Variants in ZNF136 observed in about 807,000 individuals in gnomAD.
The protein encoded by ZNF136 is zinc finger protein 136 (clone pHZ-20).
In ZNF136, 8 loss-of-function variants were observed where a neutral mutation model predicts 11.4. The observed-to-expected ratio is 0.70, with a 90% CI of 0.41 to 1.27. The LOEUF is 1.27. Among genes scored for constraint, ZNF136 ranks in the 50% most tolerant of loss-of-function variants. The pLI, the probability that ZNF136 is intolerant of heterozygous loss-of-function variation, is 0.01. For missense variants in ZNF136, 590 were observed against 656.5 expected, an observed-to-expected ratio of 0.90 and a Z score of 1.11; for synonymous variants, 190 against 207.1, an observed-to-expected ratio of 0.92 and a Z score of 0.71.
At chr19:12,174,661 A>T (rs1599454983) in intron 1 of ZNF136, among the ~76,000 whole-genome samples, 1 of 151,510 alleles carries the variant, frequency 6.6e-6, no homozygotes, top group African/African-American at 2.4e-5. Flanking sequence ...TTTGAGACGG[A>T]GTCTCGCTCT....
chr19:12,184,244 C>T (rs1255365322), intron 1 of ZNF136, among the ~76,000 whole-genome samples: 4 of 149,184 alleles, frequency 2.7e-5, no homozygotes, highest in African/African-American at 5.0e-5. Context: ...CCAGCCTGGG[C>T]GACAGAGCAA....
chr19:12,166,471 A>G (rs940541836), intron 1 of ZNF136, among the ~76,000 whole-genome samples: 1 of 152,180 alleles, frequency 6.6e-6, no homozygotes, highest in Non-Finnish European at 1.5e-5. Flanking sequence ...CAAGAAAGTT[A>G]GTAGATAAAT....
intron 1 of ZNF136, among the ~76,000 whole-genome samples, chr19:12,167,791 T>G (rs1389541848): frequency 6.6e-6 from 1 of 152,178 alleles, no homozygotes; most frequent in African/African-American, 2.4e-5. Flanking sequence ...TCAGAGACTT[T>G]CCCAATTTGT....
intron 1 of ZNF136, among the ~76,000 whole-genome samples, chr19:12,183,379 T>A (rs916886362): frequency 2.6e-5 from 4 of 152,100 alleles, no homozygotes; most frequent in African/African-American, 9.7e-5. Context: ...CAAGTGATCC[T>A]CCTACCTTGG....
chr19:12,165,525 CG>C (rs1222613610), intron 1 of ZNF136, among the ~76,000 whole-genome samples: 4 of 152,168 alleles, frequency 2.6e-5, no homozygotes, highest in African/African-American at 7.2e-5. Flanking sequence ...TTATTTTCAA[CG>C]GCTTGTATCT....
intron 1 of ZNF136, among the ~76,000 whole-genome samples, chr19:12,180,711 C>G (rs570340234): frequency 6.6e-6 from 1 of 152,276 alleles, no homozygotes; most frequent in South Asian, 2.1e-4. Flanking sequence ...GCAATATAGA[C>G]AGTCCTGCCT....
intron 1 of ZNF136, among the ~76,000 whole-genome samples, chr19:12,167,994 C>CT (rs910136431): frequency 2.8e-5 from 4 of 144,312 alleles, no homozygotes; most frequent in Admixed American, 2.1e-4. Context: ...ACTTCACGGC[C>CT]TTTTTTTAAA....
intron 1 of ZNF136, among the ~76,000 whole-genome samples, chr19:12,183,581 A>G (rs1401750365): frequency 1.3e-5 from 2 of 151,626 alleles, no homozygotes; most frequent in Non-Finnish European, 2.9e-5. Context: ...CTATCTATCT[A>G]TCTATCTATC....
chr19:12,163,359 C>T (rs1977138533), intron 1 of ZNF136, among the ~76,000 whole-genome samples, 153 bp downstream of exon 1: 1 of 152,224 alleles, frequency 6.6e-6, no homozygotes, highest in South Asian at 2.1e-4. Flanking sequence ...TACCCTCGGC[C>T]TCAGGGTGGG....
At chr19:12,173,128 G>GA (rs999495328) in intron 1 of ZNF136, among the ~76,000 whole-genome samples, 5 of 152,158 alleles carry the variant, frequency 3.3e-5, no homozygotes, top group Non-Finnish European at 7.3e-5. Flanking sequence ...AAGGGAAAGA[G>GA]AGGGAATTGT....
rs59649796 is a variant in ZNF136 at position 12,171,663 on chromosome 19, A to G, written c.3+8457A>G. 6.0e-3 allele frequency among the ~76,000 whole-genome samples: 886 copies of G among 146,994 alleles called. 8 individuals carry two copies. The highest frequency in any genetic ancestry group is 0.023 in the African/African-American group (860 of 37,462). On this transcript the variant is annotated intron_variant, in intron 1 of 3. Transcript: ENST00000343979. ...AGGGAGTGATTTATCTTTTCACTCC[A>G]TTCTACATTTTGATGGACTCTTAAA...
chr19:12,163,138 G>A lies in ZNF136; in HGVS notation c.-66G>A, dbSNP rs544095714. 8.6e-6 allele frequency: 12 copies of A among 1,393,888 alleles called. No homozygotes were observed. The African/African-American group carries it at 1.3e-4, about 16-fold the overall frequency. 86.3% of individuals were successfully genotyped at this position (1,393,888 alleles called of 1,614,324 possible). ...AGAGTGGCTCGCCTGGAGTCTCTGT[G>A]GCGCGGTTTCCTGTACCTGCCTTGG... On this transcript the variant is annotated 5_prime_UTR_variant, in exon 1 of 4. Transcript: ENST00000343979.
intron 1 of ZNF136, among the ~76,000 whole-genome samples, chr19:12,178,638 A>G (rs1267105504): frequency 6.6e-6 from 1 of 152,202 alleles, no homozygotes; most frequent in Non-Finnish European, 1.5e-5. Flanking sequence ...TTCCATTGCA[A>G]TCATGGATCA....
At position 12,189,214 on chromosome 19, in the gene ZNF136, G is replaced by A. The variant is rs1455322654; in HGVS notation, c.*1213G>A. Reference sequence around the variant, plus strand: ...AATTGTTCTGTGATTGAGGACCACTGAAAAATAAGTCTTAATAAATGTTGG... The same window carrying A: ...AATTGTTCTGTGATTGAGGACCACTAAAAAATAAGTCTTAATAAATGTTGG... On this transcript the variant is annotated 3_prime_UTR_variant, in exon 4 of 4. Coordinates refer to ENST00000343979, the MANE Select transcript of ZNF136 (RefSeq NM_003437.5). 6.6e-6 allele frequency: 1 copy of A among 152,176 alleles called. No individual in the cohort carries two copies. Among genetic ancestry groups the A allele is most frequent in the Non-Finnish European group, 1.5e-5 (1 of 68,038 alleles). 9.4% of individuals were successfully genotyped at this position (152,176 alleles called of 1,614,324 possible).
intron 1 of ZNF136, among the ~76,000 whole-genome samples, chr19:12,172,415 C>A (rs959442119): frequency 1.3e-5 from 2 of 152,098 alleles, no homozygotes; most frequent in African/African-American, 4.8e-5. Context: ...GGGCCTGATG[C>A]CTAGATGTTA....
rs762847565 is a variant in ZNF136, at chr19:12,187,616, C to T, written c.1238C>T (p.Thr413Ile). The T allele has an allele frequency of 1.2e-5, 19 of 1,613,796 alleles. No individual in the cohort carries two copies. The highest frequency in any genetic ancestry group is 6.7e-5 in the East Asian group (3 of 44,862). ...AGTCCATTTCGAATACATGAAAGAA[C>T]TCACACTGGAGAGAAACCTTATGTA... ...SLSPFRIHER[T>I]HTGEKPYVCK... Residue 413 changes from threonine to isoleucine, a missense_variant, in exon 4 of 4, where the codon ACT becomes ATT. Physicochemically the swap from Thr to Ile is moderately conservative, Grantham distance 89. Coordinates refer to ENST00000343979, the MANE Select transcript of ZNF136 (RefSeq NM_003437.5).
chr19:12,163,832 A>G (rs1445339380), intron 1 of ZNF136: 1 of 152,264 alleles, frequency 6.6e-6, no homozygotes, highest in African/African-American at 2.4e-5. Flanking sequence ...TTTTCTGTTC[A>G]TAGCCTTGAC....
chr19:12,187,717 C>T lies in ZNF136; in HGVS notation c.1339C>T (p.Pro447Ser). ...TGAAAGAACTCATACTGGAGAGAAA[C>T]CCTATGAGTGTAAGCAATGTGGGAA... is the stretch of plus-strand genomic sequence containing the variant. ...IHERTHTGEK[P>S]YECKQCGKAF... Residue 447 changes from proline to serine, a missense_variant, in exon 4 of 4, where the codon CCC (proline) becomes TCC (serine). Transcript: ENST00000343979. 6.2e-7 allele frequency: 1 copy of T among 1,614,018 alleles called. No homozygotes were observed. The highest frequency in any genetic ancestry group is 8.5e-7 in the Non-Finnish European group (1 of 1,180,010).
At chr19:12,169,609 AT>A (rs5827144) in intron 1 of ZNF136, among the ~76,000 whole-genome samples, 98,205 of 131,842 alleles carry the variant, frequency 0.74, 36,553 homozygotes, top group South Asian at 0.81. Flanking sequence ...CTGATTCTGA[AT>A]TTTTTTTTTT....
Sources: gnomAD v4.1 joint callset for allele counts (sites outside exome capture counted in the v4.1 genomes callset) on GRCh38, gnomAD v4.1.1 for gene constraint, MANE v1.5 for transcripts, NCBI Gene and HGNC (gene_info 2026-07-23, HGNC 2026-07-21) for gene names.